The following UBE2G1 variants were observed in gnomAD, a reference collection of about 807,000 sequenced individuals.
UBE2G1 encodes the protein ubiquitin-conjugating enzyme E2 G1.
Under a neutral mutation model 22.7 loss-of-function variants are expected in UBE2G1, and 5 were observed. The observed-to-expected ratio is 0.22, with a 90% confidence interval of 0.12 to 0.46. UBE2G1 has a LOEUF of 0.46. Ranked by LOEUF, UBE2G1 falls within the 20% of genes least tolerant of loss-of-function variation. The pLI is 0.99. For synonymous variants in UBE2G1, 74 were observed against 67.5 expected, an observed-to-expected ratio of 1.10 and a Z score of -0.47; for missense variants, 88 against 203.9, an observed-to-expected ratio of 0.43 and a Z score of 3.46.
intron 1 of UBE2G1, among the ~76,000 whole-genome samples, chr17:4,308,486 T>C (rs1020054491): frequency 3.3e-5 from 5 of 152,062 alleles, no homozygotes; most frequent in African/African-American, 9.7e-5. Context: ...GATCACGCCA[T>C]TGCACTCCAG....
At chr17:4,281,966 T>TTA (rs1968897768) in intron 5 of UBE2G1, among the ~76,000 whole-genome samples, 1 of 150,340 alleles carries the variant, frequency 6.7e-6, no homozygotes, top group African/African-American at 2.5e-5. Flanking sequence ...CATCTTTGAC[T>TTA]CCTTTCTAGA....
chr17:4,312,682 C>CAAGG (rs1969324646), intron 1 of UBE2G1, among the ~76,000 whole-genome samples: 1 of 104,156 alleles, frequency 9.6e-6, no homozygotes. Flanking sequence ...GGCGATAGAG[C>CAAGG]AAGACTCCAT....
At chr17:4,292,092 T>C (rs8075151) in intron 3 of UBE2G1, among the ~76,000 whole-genome samples, 2,682 of 151,962 alleles carry the variant, frequency 0.018, 73 homozygotes, top group African/African-American at 0.062. Context: ...TCCCAGCACT[T>C]TGGGAGGCTG....
intron 1 of UBE2G1, among the ~76,000 whole-genome samples, chr17:4,310,535 CG>C (rs1166847780): frequency 6.6e-6 from 1 of 152,028 alleles, no homozygotes; most frequent in Non-Finnish European, 1.5e-5. Flanking sequence ...ACTGGAACGG[CG>C]GGGGGCAGGG....
intron 1 of UBE2G1, among the ~76,000 whole-genome samples, chr17:4,350,187 G>A (rs192883257): frequency 8.5e-5 from 13 of 152,280 alleles, no homozygotes; most frequent in African/African-American, 2.4e-4. Context: ...TTGGCCAGGC[G>A]TGGTAACTCA....
At chr17:4,293,234 A>G (rs1010516455) in intron 3 of UBE2G1, among the ~76,000 whole-genome samples, 4 of 152,168 alleles carry the variant, frequency 2.6e-5, no homozygotes, top group African/African-American at 9.7e-5. Flanking sequence ...GGAATCGTAC[A>G]CTATGTCACC....
chr17:4,301,617 T>C, intron 2 of UBE2G1: 1 of 998,106 alleles, frequency 1.0e-6, no homozygotes, highest in Admixed American at 1.7e-5. Context: ...ATTTGGAATA[T>C]GATGGGGCAC....
chr17:4,294,218 C>T (rs907070898), intron 3 of UBE2G1, among the ~76,000 whole-genome samples: 1 of 152,084 alleles, frequency 6.6e-6, no homozygotes, highest in African/African-American at 2.4e-5. Flanking sequence ...GAGTTCAAGA[C>T]CAGCCTGTCC....
intron 1 of UBE2G1, among the ~76,000 whole-genome samples, chr17:4,340,264 C>T (rs1010780499): frequency 6.6e-6 from 1 of 152,150 alleles, no homozygotes; most frequent in African/African-American, 2.4e-5. Context: ...TTGCATCCTC[C>T]GTCTTGCCCT....
At chr17:4,337,827 A>T (rs1659252358) in intron 1 of UBE2G1, among the ~76,000 whole-genome samples, 1 of 152,098 alleles carries the variant, frequency 6.6e-6, no homozygotes, top group Non-Finnish European at 1.5e-5. Context: ...AGAACAAGGG[A>T]ATTCAAAGTT....
intron 1 of UBE2G1, among the ~76,000 whole-genome samples, chr17:4,331,555 G>C (rs1168188093): frequency 2.0e-5 from 3 of 152,136 alleles, no homozygotes; most frequent in Non-Finnish European, 4.4e-5. Context: ...GCCTAATCGT[G>C]TCTTCTAGTT....
At chr17:4,311,439 T>C (rs1204998895) in intron 1 of UBE2G1, among the ~76,000 whole-genome samples, 1 of 152,198 alleles carries the variant, frequency 6.6e-6, no homozygotes, top group Non-Finnish European at 1.5e-5. Flanking sequence ...TAAACTGCAG[T>C]ATATACATAC....
intron 4 of UBE2G1, among the ~76,000 whole-genome samples, chr17:4,287,029 C>T (rs1296706658): frequency 1.3e-5 from 2 of 151,466 alleles, no homozygotes; most frequent in Non-Finnish European, 2.9e-5. Context: ...CCAGCCTGGG[C>T]ATCAGAGCAA....
rs67852481 is a variant in UBE2G1, at chr17:4,346,431, CTTTTT to C, written c.46+19835_46+19839del. The stretch of plus-strand genomic sequence containing the variant: ...TCTATACAGCTTACATTTTCTTCTT[CTTTTT>C]TTTTTTTTTTTTTTTTGAGACAGAG... On this transcript the variant is annotated intron_variant, in intron 1 of 5. Transcript: ENST00000396981. Among the ~76,000 whole-genome samples, 47 of 120,520 alleles carry C rather than the reference CTTTTT, an allele frequency of 3.9e-4. 1 individual carries two copies. Among genetic ancestry groups the C allele is most frequent in the Admixed American group, 3.0e-3 (35 of 11,646 alleles). The allele number at this position is 120,520 out of a possible 152,430, so 79.1% of individuals were successfully genotyped here.
At chr17:4,285,829 T>C (rs898085099) in intron 4 of UBE2G1, among the ~76,000 whole-genome samples, 1 of 152,080 alleles carries the variant, frequency 6.6e-6, no homozygotes, top group African/African-American at 2.4e-5. Context: ...CACGCACCTG[T>C]AGTTCCAACT....
intron 1 of UBE2G1, among the ~76,000 whole-genome samples, chr17:4,355,596 C>T (rs1381977463): frequency 3.5e-5 from 5 of 142,314 alleles, no homozygotes; most frequent in African/African-American, 1.3e-4. Flanking sequence ...GGGCTGAGAT[C>T]GTGCCACTAC....
chr17:4,291,788 A>C, intron 3 of UBE2G1, among the ~76,000 whole-genome samples: 1 of 152,182 alleles, frequency 6.6e-6, no homozygotes, highest in East Asian at 1.9e-4. Context: ...GATGCTGTTT[A>C]AATTTCATAT....
chr17:4,334,641 C>T (rs1047878929), intron 1 of UBE2G1, among the ~76,000 whole-genome samples: 58 of 152,056 alleles, frequency 3.8e-4, no homozygotes, highest in Admixed American at 5.9e-4. Context: ...CCAGTTCAAA[C>T]GGATTCTCCT....
At chr17:4,313,902 G>A (rs775309670) in intron 1 of UBE2G1, among the ~76,000 whole-genome samples, 1 of 152,118 alleles carries the variant, frequency 6.6e-6, no homozygotes, top group Non-Finnish European at 1.5e-5. Context: ...CAGGGACAAG[G>A]TAGTGTCCTT....
Sources: gnomAD v4.1 joint callset for allele counts (sites outside exome capture counted in the v4.1 genomes callset) on GRCh38, gnomAD v4.1.1 for gene constraint, MANE v1.5 for transcripts, NCBI Gene and HGNC (gene_info 2026-07-23, HGNC 2026-07-21) for gene names.